The following PGAP1 variants were observed in gnomAD, a reference collection of about 807,000 sequenced individuals.
PGAP1 encodes the protein GPI inositol-deacylase.
Under a neutral mutation model 127.0 loss-of-function variants are expected in PGAP1, and 76 were observed. The observed-to-expected ratio is 0.60, with a 90% CI of 0.50 to 0.72. The LOEUF is 0.72. Ranked by LOEUF, PGAP1 falls within the 30% of genes least tolerant of loss-of-function variation. The probability of loss-of-function intolerance (pLI) is 0.00; values close to 1 mark genes in which losing one functional copy is unlikely to be tolerated. For missense variants in PGAP1, 982 were observed against 1,071.3 expected, an observed-to-expected ratio of 0.92 and a Z score of 1.16; for synonymous variants, 362 against 366.5, an observed-to-expected ratio of 0.99 and a Z score of 0.14.
chr2:196,873,679 A>T lies in PGAP1; in HGVS notation c.1500+6T>A. 1 of 1,606,032 alleles carries T rather than the reference A, an allele frequency of 6.2e-7. No individual in the cohort carries two copies. The highest frequency in any genetic ancestry group is 1.3e-5 in the African/African-American group (1 of 74,850). On this transcript the variant is annotated splice_donor_region_variant and intron_variant, in intron 15 of 26. Transcript: ENST00000354764. ...AATCCTTTTTCTTGTAGTCAGGATT[A>T]ATTACCTGTCCAAAGTTCAGAAGCT...
chr2:196,845,250 T>C (rs777708214), intron 23 of PGAP1, among the ~76,000 whole-genome samples: 2 of 151,900 alleles, frequency 1.3e-5, no homozygotes, highest in South Asian at 2.1e-4. Flanking sequence ...ATTTACACTT[T>C]TAAAAATTTC....
At position 196,869,981 on chromosome 2, in the gene PGAP1, A is replaced by C. The variant is rs1314567199; in HGVS notation, c.1767+960T>G. On this transcript the variant is annotated intron_variant, in intron 19 of 26. Transcript: ENST00000354764. ...AAAGCTATAATACAAATTTGACTGA[A>C]TATTAAAACTATATAACTTCCCTAA... Among the ~76,000 whole-genome samples the C allele has an allele frequency of 3.9e-5, 6 of 152,340 alleles. No homozygotes were observed. The East Asian group carries it at 1.2e-3, about 29-fold the overall frequency.
Position 196,833,113 on chromosome 2 carries a change from G to A in PGAP1, c.*8121C>T, listed in dbSNP as rs1306993443. The A allele has an allele frequency of 1.3e-5, 2 of 152,384 alleles. No individual in the cohort carries two copies. The highest frequency in any genetic ancestry group is 4.8e-5 in the African/African-American group (2 of 41,372). 9.4% of individuals were successfully genotyped at this position (152,384 alleles called of 1,614,324 possible). ...ATTAATACCTGAGCAGAGACTGAAGGCAAATATTCATCTATTAAACCTACA... is the reference window on the plus strand; with the variant it reads ...ATTAATACCTGAGCAGAGACTGAAGACAAATATTCATCTATTAAACCTACA... On this transcript the variant is annotated 3_prime_UTR_variant, in exon 27 of 27. Transcript: ENST00000354764.
intron 14 of PGAP1, among the ~76,000 whole-genome samples, chr2:196,874,608 C>T (rs1485784089): frequency 6.6e-6 from 1 of 152,118 alleles, no homozygotes; most frequent in East Asian, 1.9e-4. Context: ...GGAAAATTAA[C>T]ATAACTAGTA....
chr2:196,883,510 C>A (rs1701798191), intron 12 of PGAP1, among the ~76,000 whole-genome samples: 1 of 152,170 alleles, frequency 6.6e-6, no homozygotes, highest in African/African-American at 2.4e-5. Context: ...ACCCACCAGA[C>A]AAATGGTAGC....
Position 196,847,928 on chromosome 2 carries a change from C to T in PGAP1, c.1952+19G>A. On this transcript the variant is annotated intron_variant, in intron 21 of 26. Transcript: ENST00000354764. ...TGTAAAACACAATTAAAATCATTAT[C>T]ACAGATAATAAAACTTACCCCAACA... 6.8e-7 allele frequency: 1 copy of T among 1,462,868 alleles called. No individual in the cohort carries two copies. The highest frequency in any genetic ancestry group is 9.2e-7 in the Non-Finnish European group (1 of 1,082,612). The allele number at this position is 1,462,868 out of a possible 1,614,324, so 90.6% of individuals were successfully genotyped here. A position where few individuals can be genotyped will look rare whatever the true frequency, so the allele number is the denominator to read the frequency against.
At chr2:196,864,580 A>G (rs1157118473) in intron 20 of PGAP1, among the ~76,000 whole-genome samples, 5 of 152,004 alleles carry the variant, frequency 3.3e-5, no homozygotes, top group Non-Finnish European at 5.9e-5. Flanking sequence ...ATCTGGTTAG[A>G]CTCAAAGTTA....
intron 7 of PGAP1, among the ~76,000 whole-genome samples, chr2:196,894,584 C>G (rs1465508359): frequency 6.6e-6 from 1 of 152,152 alleles, no homozygotes; most frequent in Non-Finnish European, 1.5e-5. Flanking sequence ...GGGTGGATCA[C>G]AAGGTCAGGA....
At chr2:196,867,862 A>T (rs1340123243) in intron 19 of PGAP1, among the ~76,000 whole-genome samples, 1 of 152,178 alleles carries the variant, frequency 6.6e-6, no homozygotes, top group Non-Finnish European at 1.5e-5. Context: ...AAAATCAGAA[A>T]ACGTACAGCC....
chr2:196,864,549 T>C (rs958918206), intron 20 of PGAP1, among the ~76,000 whole-genome samples: 1 of 152,172 alleles, frequency 6.6e-6, no homozygotes, highest in Non-Finnish European at 1.5e-5. Flanking sequence ...GATTCCTATA[T>C]GTATTTTAAA....
intron 20 of PGAP1, among the ~76,000 whole-genome samples, chr2:196,863,300 T>C (rs1701127110): frequency 6.6e-6 from 1 of 152,192 alleles, no homozygotes; most frequent in African/African-American, 2.4e-5. Context: ...CTATTCACAA[T>C]GGCCAAAATA....
At chr2:196,875,445 T>G (rs1420063622) in intron 14 of PGAP1, among the ~76,000 whole-genome samples, 2 of 152,158 alleles carry the variant, frequency 1.3e-5, no homozygotes, top group Non-Finnish European at 2.9e-5. Context: ...TACAAATAAT[T>G]TATAACTCTA....
chr2:196,896,312 G>A (rs1387111703), intron 7 of PGAP1, among the ~76,000 whole-genome samples: 1 of 152,082 alleles, frequency 6.6e-6, no homozygotes, highest in African/African-American at 2.4e-5. Context: ...TACACATTTC[G>A]ATCTTACCAG....
chr2:196,895,232 G>A (rs1018509813), intron 7 of PGAP1, among the ~76,000 whole-genome samples: 2 of 151,972 alleles, frequency 1.3e-5, no homozygotes, highest in African/African-American at 2.4e-5. Context: ...TTACATACTA[G>A]TACTATAGTT....
At position 196,875,715 on chromosome 2, in the gene PGAP1, T is replaced by C. The variant is rs373777392; in HGVS notation, c.1426+31A>G. ...GCAACTCTGTTAAAAATAAAAGCAA[T>C]TCTTATGCTTTCCAAAAACAAAGTA... On this transcript the variant is annotated intron_variant, in intron 14 of 26. Coordinates refer to ENST00000354764, the MANE Select transcript of PGAP1 (RefSeq NM_024989.4). 4.6e-5 allele frequency: 57 copies of C among 1,242,570 alleles called. No individual in the cohort carries two copies. The African/African-American group carries it at 8.2e-4, about 18-fold the overall frequency. 77.0% of individuals were successfully genotyped at this position (1,242,570 alleles called of 1,614,324 possible).
At chr2:196,914,619 CAAACAAAACAAAACAAAACAAAACA>C (rs74337641) in intron 3 of PGAP1, among the ~76,000 whole-genome samples, 4 of 144,354 alleles carry the variant, frequency 2.8e-5, no homozygotes, top group African/African-American at 7.8e-5. Flanking sequence ...GACCCTGTCT[CAAACAAAACAAAACAAAACAAAACA>C]AAACAAAACA....
At chr2:196,878,227 G>A (rs1014277691) in intron 13 of PGAP1, among the ~76,000 whole-genome samples, 5 of 152,034 alleles carry the variant, frequency 3.3e-5, no homozygotes, top group Non-Finnish European at 7.4e-5. Context: ...TGGAATATTT[G>A]CCTATACATA....
intron 25 of PGAP1, among the ~76,000 whole-genome samples, chr2:196,843,509 G>C (rs1367756026): frequency 1.3e-5 from 2 of 152,040 alleles, no homozygotes; most frequent in African/African-American, 4.8e-5. Flanking sequence ...TGGATGAAGT[G>C]GCCTTTTATT....
rs1702304325 is a variant in PGAP1, at chr2:196,897,073, A to C, written c.927+58T>G. Reference sequence around the variant, plus strand: ...TTACATTAAATCCATCATGGCTGTAAATGATATAGTAAAGTAAAAGCTTTC... The same window carrying C: ...TTACATTAAATCCATCATGGCTGTACATGATATAGTAAAGTAAAAGCTTTC... On this transcript the variant is annotated intron_variant, in intron 7 of 26. Transcript: ENST00000354764. 1.0e-5 allele frequency: 10 copies of C among 981,648 alleles called. No individual in the cohort carries two copies. In the Admixed American group the frequency reaches 2.5e-4, roughly 25 times the overall value. The allele number at this position is 981,648 out of a possible 1,614,324, so 60.8% of individuals were successfully genotyped here.
Sources: gnomAD v4.1 joint callset for allele counts (sites outside exome capture counted in the v4.1 genomes callset) on GRCh38, gnomAD v4.1.1 for gene constraint, MANE v1.5 for transcripts, NCBI Gene and HGNC (gene_info 2026-07-23, HGNC 2026-07-21) for gene names.